ACSF3: variants seen among roughly 807,000 people sequenced by gnomAD.
ACSF3 encodes the protein malonate--CoA ligase ACSF3, mitochondrial.
ACSF3 carries 78 observed loss-of-function variants against 53.2 expected under a neutral mutation model. The ratio of observed to expected loss-of-function variants is 1.47; its 90% CI spans 1.22 to 1.77. ACSF3 has a LOEUF of 1.77. Among genes scored for constraint, ACSF3 ranks in the 40% most tolerant of loss-of-function variants. The pLI is 0.00. For synonymous variants in ACSF3, 414 were observed against 333.1 expected (o/e 1.24, Z -2.65); for missense variants, 937 against 771.1 (o/e 1.22, Z -2.55).
At chr16:89,120,951 G>T (rs764176111) in intron 7 of ACSF3, 38 bp downstream of exon 7, 2 of 1,583,138 alleles carry the variant, frequency 1.3e-6, no homozygotes, top group Non-Finnish European at 1.7e-6. Flanking sequence ...GCGGCCGTGT[G>T]TCCAGTCTAG....
chr16:89,132,859 G>A (rs977078272), intron 7 of ACSF3, among the ~76,000 whole-genome samples: 1 of 152,264 alleles, frequency 6.6e-6, no homozygotes, highest in Non-Finnish European at 1.5e-5. Flanking sequence ...GTAGGAGCAC[G>A]TTCTTCTGTG....
intron 4 of ACSF3, among the ~76,000 whole-genome samples, chr16:89,104,448 C>G (rs8056878): frequency 4.0e-5 from 6 of 151,770 alleles, no homozygotes; most frequent in African/African-American, 1.5e-4. Context: ...CCCACACTCA[C>G]CGCTCTTGCC....
At chr16:89,142,816 C>A (rs1262644239) in intron 8 of ACSF3, among the ~76,000 whole-genome samples, 4 of 151,898 alleles carry the variant, frequency 2.6e-5, no homozygotes, top group Non-Finnish European at 5.9e-5. Context: ...CAGACACACC[C>A]ACACCTAAGG....
At chr16:89,153,737 G>C in intron 10 of ACSF3, 1 of 358,420 alleles carries the variant, frequency 2.8e-6, no homozygotes, top group Non-Finnish European at 5.4e-6. Context: ...GGGCCTTCCA[G>C]CTCCAGTGCG....
rs367891462 is a variant in ACSF3, at chr16:89,120,878, A to C, written c.1204A>C (p.Thr402Pro). Residue 402 changes from threonine to proline, a missense_variant, in exon 7 of 11, where the codon ACC becomes CCC. Transcript: ENST00000614302. ...ENPQREACSY[T>P]IHAEGDERGT... ...CCCACAGAGGGAAGCCTGCTCCTAC[A>C]CCATCCACGCAGAGGGAGACGAGAG... 3 of 1,613,750 alleles carry C rather than the reference A, an allele frequency of 1.9e-6. No homozygotes were observed. The highest frequency in any genetic ancestry group is 2.5e-6 in the Non-Finnish European group (3 of 1,179,930).
chr16:89,137,538 A>G (rs12924876), intron 8 of ACSF3, among the ~76,000 whole-genome samples: 1,400 of 45,628 alleles, frequency 0.031, 1 homozygote, highest in South Asian at 0.063. Context: ...TCACGGGGAA[A>G]GATTGAGGGG....
Position 89,133,248 on chromosome 16 carries a change from G to T in ACSF3, c.1352G>T (p.Gly451Val). The stretch of plus-strand genomic sequence containing the variant: ...ACTAAGAGTGCATTCACCCTGGATG[G>T]CTGGTTTAAGACAGGTAGGACCCAG... ...EETKSAFTLD[G>V]WFKTGDTVVF... The change falls in exon 8 of 11, where the codon GGC (glycine) becomes GTC (valine). Residue 451 changes from glycine (G) to valine (V), a missense_variant. By Grantham distance (109) the Gly-to-Val change is moderately radical. Coordinates refer to ENST00000614302, the MANE Select transcript of ACSF3 (RefSeq NM_001243279.3). 1 of 1,614,112 alleles carries T rather than the reference G, an allele frequency of 6.2e-7. No individual in the cohort carries two copies. The highest frequency in any genetic ancestry group is 8.5e-7 in the Non-Finnish European group (1 of 1,179,982).
intron 4 of ACSF3, among the ~76,000 whole-genome samples, chr16:89,109,194 T>C (rs934328541): frequency 2.3e-5 from 3 of 130,510 alleles, no homozygotes; most frequent in African/African-American, 9.0e-5. Flanking sequence ...ATCACACCAC[T>C]GCACTCCAGC....
At chr16:89,130,484 G>A (rs1471273433) in intron 7 of ACSF3, among the ~76,000 whole-genome samples, 2 of 147,868 alleles carry the variant, frequency 1.4e-5, no homozygotes, top group Non-Finnish European at 3.1e-5. Flanking sequence ...TGAGGCTGGA[G>A]GATTGTTTTA....
intron 7 of ACSF3, chr16:89,122,489 T>C (rs1191528221): frequency 2.4e-6 from 1 of 408,792 alleles, no homozygotes; most frequent in African/African-American, 2.0e-5. Context: ...ACACCGGCCC[T>C]TCCTGGCTCT....
At chr16:89,153,346 A>G (rs1914335741) in intron 10 of ACSF3, 1 of 153,456 alleles carries the variant, frequency 6.5e-6, no homozygotes, top group Non-Finnish European at 1.5e-5. Flanking sequence ...AGGAGCACCG[A>G]GCACCACTGC....
intron 7 of ACSF3, among the ~76,000 whole-genome samples, chr16:89,123,970 CGTA>C (rs1022989330): frequency 4.6e-5 from 7 of 152,170 alleles, no homozygotes; most frequent in South Asian, 2.1e-4. Flanking sequence ...GGATAGCACA[CGTA>C]GTACGCATGG....
At chr16:89,103,107 G>A (rs1597900998) in intron 4 of ACSF3, among the ~76,000 whole-genome samples, 4 of 152,188 alleles carry the variant, frequency 2.6e-5, no homozygotes, top group African/African-American at 9.7e-5. Flanking sequence ...ATGTGAAAGT[G>A]CTCTCTCTCT....
At chr16:89,146,894 G>A (rs1327132857) in intron 10 of ACSF3, among the ~76,000 whole-genome samples, 5 of 152,194 alleles carry the variant, frequency 3.3e-5, no homozygotes, top group Non-Finnish European at 7.3e-5. Flanking sequence ...CCGTCAGGAC[G>A]GAAGGGTATC....
At chr16:89,148,736 C>CT (rs1444257892) in intron 10 of ACSF3, 1 of 152,248 alleles carries the variant, frequency 6.6e-6, no homozygotes, top group Non-Finnish European at 1.5e-5. Flanking sequence ...GGCCTGAGCT[C>CT]TATCTGGAGC....
At position 89,100,839 on chromosome 16, in the gene ACSF3, T is replaced by A. The variant is rs373274928; in HGVS notation, c.158T>A (p.Phe53Tyr). 3.1e-6 allele frequency: 5 copies of A among 1,613,462 alleles called. No homozygotes were observed. The African/African-American group carries it at 6.7e-5, about 21-fold the overall frequency. The change falls in exon 3 of 11, where the codon TTT becomes TAT. Residue 53 changes from phenylalanine (F) to tyrosine (Y), a missense_variant. By Grantham distance (22) the Phe-to-Tyr change is conservative (BLOSUM62 3). Coordinates refer to ENST00000614302, the MANE Select transcript of ACSF3 (RefSeq NM_001243279.3). The part of the protein sequence containing the change: ...SAPVFTRALA[F>Y]GDRIALVDQH... ...CCGGTGTTCACCCGTGCCCTGGCCT[T>A]TGGGGACAGAATCGCCCTGGTTGAC...
intron 4 of ACSF3, among the ~76,000 whole-genome samples, chr16:89,104,575 G>A (rs1315580008): frequency 2.6e-5 from 4 of 152,156 alleles, no homozygotes; most frequent in African/African-American, 9.7e-5. Context: ...CGCCAGGAAG[G>A]GGTCCCTGCA....
chr16:89,142,793 ACACC>A (rs2151554639), intron 8 of ACSF3, among the ~76,000 whole-genome samples: 1 of 149,076 alleles, frequency 6.7e-6, no homozygotes, highest in East Asian at 2.1e-4. Context: ...ACCTGCAGAC[ACACC>A]CACACCTGCA....
Position 89,133,203 on chromosome 16 carries a change from A to G in ACSF3, c.1307A>G (p.Tyr436Cys), listed in dbSNP as rs1909700816. Residue 436 changes from tyrosine to cysteine, a missense_variant, in exon 8 of 11, where the codon TAC becomes TGC. Coordinates refer to ENST00000614302, the MANE Select transcript of ACSF3 (RefSeq NM_001243279.3). Reference sequence around the variant, plus strand: ...AGGGGACCCTCCGTGTTTCGAGAATACTGGAATAAACCAGAAGAAACTAAG... The same window carrying G: ...AGGGGACCCTCCGTGTTTCGAGAATGCTGGAATAAACCAGAAGAAACTAAG... The part of the protein sequence containing the change: ...LVRGPSVFRE[Y>C]WNKPEETKSA... 6.2e-7 allele frequency: 1 copy of G among 1,614,006 alleles called. No homozygotes were observed. Among genetic ancestry groups the G allele is most frequent in the Non-Finnish European group, 8.5e-7 (1 of 1,180,032 alleles).
Sources: allele counts gnomAD v4.1 joint callset (sites outside exome capture counted in the v4.1 genomes callset), GRCh38; gene constraint gnomAD v4.1.1; transcripts MANE v1.5; gene names NCBI Gene and HGNC (gene_info 2026-07-23, HGNC 2026-07-21).